ABCC11: variants seen among roughly 807,000 people sequenced by gnomAD.
The protein encoded by ABCC11 is ATP binding cassette subfamily C member 11, also known as ATP-binding cassette sub-family C member 11.
Under a neutral mutation model 149.3 loss-of-function variants are expected in ABCC11, and 135 were observed. The ratio of observed to expected loss-of-function variants is 0.90; its 90% confidence interval spans 0.79 to 1.04. ABCC11 has a LOEUF of 1.04. ABCC11 is among the 50% of genes least tolerant of loss of function. The pLI is 0.00. For missense variants in ABCC11, 1,680 were observed against 1,722.1 expected, an observed-to-expected ratio of 0.98 and a Z score of 0.43; for synonymous variants, 665 against 671.4, an observed-to-expected ratio of 0.99 and a Z score of 0.15.
intron 1 of ABCC11, among the ~76,000 whole-genome samples, chr16:48,245,375 T>G (rs763441391): frequency 5.3e-5 from 8 of 152,194 alleles, no homozygotes; most frequent in Non-Finnish European, 1.0e-4. Flanking sequence ...AACCTCTATT[T>G]CTTTTATTCT....
chr16:48,221,386 A>G (rs1463783433), intron 6 of ABCC11, among the ~76,000 whole-genome samples: 1 of 152,076 alleles, frequency 6.6e-6, no homozygotes, highest in Non-Finnish European at 1.5e-5. Flanking sequence ...CCCCACAACT[A>G]TAGGTCATAA....
At position 48,207,752 on chromosome 16, in the gene ABCC11, G is replaced by A. The variant is rs550313462; in HGVS notation, c.1680+673C>T. ...AAAGAAAAAAGAAACTGGAGAAAGG[G>A]TGTGTGAGCCACACATCCACATGGC... is the stretch of plus-strand genomic sequence containing the variant. On this transcript the variant is annotated intron_variant, in intron 12 of 29. Transcript: ENST00000356608. Among the ~76,000 whole-genome samples, 7 of 152,224 alleles carry A rather than the reference G, an allele frequency of 4.6e-5. No homozygotes were observed. The South Asian group carries it at 1.2e-3, about 27-fold the overall frequency.
At chr16:48,244,598 G>A in intron 1 of ABCC11, 1 of 1,483,468 alleles carries the variant, frequency 6.7e-7, no homozygotes, top group Non-Finnish European at 8.9e-7. Flanking sequence ...CCAGCGACGC[G>A]CAGGACCTGC....
At chr16:48,245,143 C>T (rs904954185) in intron 1 of ABCC11, among the ~76,000 whole-genome samples, 1 of 152,138 alleles carries the variant, frequency 6.6e-6, no homozygotes, top group African/African-American at 2.4e-5. Context: ...TTGTGGGTGC[C>T]TTTCTTCTAT....
At chr16:48,167,754 C>T (rs1435019927) in intron 28 of ABCC11, 94 bp from the exon 29 acceptor site, 8 of 1,358,212 alleles carry the variant, frequency 5.9e-6, no homozygotes, top group Non-Finnish European at 8.1e-6. Context: ...AGGGCCCTTC[C>T]TCTCCAGGTC....
chr16:48,194,775 C>T lies in ABCC11; in HGVS notation c.2405-793G>A, dbSNP rs1007215856. On this transcript the variant is annotated intron_variant, in intron 18 of 29. Transcript: ENST00000356608. ...CCATCTTGGAAGTAGATACTGGGCC[C>T]TCACCAGACAAAAAACTTGCCAGCA... Among the ~76,000 whole-genome samples, 4 of 152,338 alleles carry T rather than the reference C, an allele frequency of 2.6e-5. No homozygotes were observed. In the South Asian group the frequency reaches 8.3e-4, roughly 32 times the overall value.
intron 27 of ABCC11, among the ~76,000 whole-genome samples, chr16:48,170,532 C>T (rs2150711973): frequency 6.6e-6 from 1 of 152,316 alleles, no homozygotes; most frequent in Admixed American, 6.5e-5. Flanking sequence ...TGCTCCTGCC[C>T]TGACGTTTCT....
chr16:48,226,335 C>T (rs186976313), intron 4 of ABCC11, among the ~76,000 whole-genome samples: 15 of 140,564 alleles, frequency 1.1e-4, no homozygotes, highest in East Asian at 8.4e-4. Context: ...AGTGCAGTGG[C>T]GCAATCTCGG....
chr16:48,187,162 C>G, intron 21 of ABCC11, 39 bp downstream of exon 21: 2 of 1,613,082 alleles, frequency 1.2e-6, no homozygotes, highest in Non-Finnish European at 1.7e-6. Flanking sequence ...TTGGTCCCAG[C>G]CTTGCTCCCC....
chr16:48,193,863 A>C lies in ABCC11; in HGVS notation c.2508+16T>G. The C allele has an allele frequency of 2.5e-6, 4 of 1,603,088 alleles. No homozygotes were observed. Among genetic ancestry groups the C allele is most frequent in the Non-Finnish European group, 3.4e-6 (4 of 1,170,826 alleles). ...AAGCCCATAGAAACACAGCCCATCC[A>C]CCTCATGGCACTCACCCCCGAGCCC... On this transcript the variant is annotated intron_variant, in intron 19 of 29. Transcript: ENST00000356608.
In ABCC11 at chr16:48,230,157, C is replaced by A. The variant is rs1350995709; in HGVS notation, c.236+280G>T. 2.6e-5 allele frequency among the ~76,000 whole-genome samples: 4 copies of A among 152,226 alleles called. No homozygotes were observed. In the East Asian group the frequency reaches 7.7e-4, roughly 29 times the overall value. On this transcript the variant is annotated intron_variant, in intron 3 of 29. Transcript: ENST00000356608. ...ATTGTCTTTCTCTCCCATGTGAGGT[C>A]CATGATGGCAAAGATCACGTCTGTT...
intron 10 of ABCC11, among the ~76,000 whole-genome samples, chr16:48,212,403 A>G (rs1969001479): frequency 6.6e-6 from 1 of 152,096 alleles, no homozygotes; most frequent in Non-Finnish European, 1.5e-5. Flanking sequence ...ATACACTAAC[A>G]CCAATGATAG....
At chr16:48,196,550 C>T (rs1011804618) in intron 17 of ABCC11, among the ~76,000 whole-genome samples, 2 of 152,132 alleles carry the variant, frequency 1.3e-5, no homozygotes, top group African/African-American at 2.4e-5. Flanking sequence ...GGAGGGACTG[C>T]GGGGTCTCAC....
chr16:48,228,058 G>C, intron 3 of ABCC11, 94 bp from the exon 4 acceptor site: 1 of 1,188,618 alleles, frequency 8.4e-7, no homozygotes, highest in Non-Finnish European at 1.2e-6. Flanking sequence ...AGGTTACCCA[G>C]ATCTACACAC....
intron 18 of ABCC11, among the ~76,000 whole-genome samples, chr16:48,194,599 G>C (rs896813302): frequency 6.6e-6 from 1 of 152,212 alleles, no homozygotes; most frequent in Non-Finnish European, 1.5e-5. Flanking sequence ...TCTAAGAGGT[G>C]ACGACCATGA....
At chr16:48,240,665 T>C (rs1466923695) in intron 1 of ABCC11, among the ~76,000 whole-genome samples, 1 of 152,040 alleles carries the variant, frequency 6.6e-6, no homozygotes, top group Non-Finnish European at 1.5e-5. Flanking sequence ...TCTGCACATG[T>C]ACCCCAGAAC....
chr16:48,225,146 G>A (rs1489927111), intron 4 of ABCC11, among the ~76,000 whole-genome samples: 2 of 152,116 alleles, frequency 1.3e-5, no homozygotes, highest in Admixed American at 1.3e-4. Flanking sequence ...CGGGAGGTGA[G>A]TTGAACCAGT....
chr16:48,231,419 G>T (rs1415237741), intron 2 of ABCC11, among the ~76,000 whole-genome samples: 2 of 152,018 alleles, frequency 1.3e-5, no homozygotes, highest in Non-Finnish European at 2.9e-5. Flanking sequence ...TAATCCCAGT[G>T]CTTTGGGAGG....
intron 1 of ABCC11, 145 bp from the exon 2 acceptor site, chr16:48,232,084 T>A: frequency 7.0e-7 from 1 of 1,434,572 alleles, no homozygotes; most frequent in Non-Finnish European, 9.2e-7. Flanking sequence ...TGCTCTTTCC[T>A]CTCCTTAGCC....
Sources: gnomAD v4.1 joint callset for allele counts (sites outside exome capture counted in the v4.1 genomes callset) on GRCh38, gnomAD v4.1.1 for gene constraint, MANE v1.5 for transcripts, NCBI Gene and HGNC (gene_info 2026-07-23, HGNC 2026-07-21) for gene names.